MACROD2: variants seen among roughly 807,000 people sequenced by gnomAD.
MACROD2 encodes mono-ADP ribosylhydrolase 2.
In MACROD2, 36 loss-of-function variants were observed where a neutral mutation model predicts 70.4. The ratio of observed to expected loss-of-function variants is 0.51; its 90% CI spans 0.39 to 0.68. MACROD2 has a LOEUF of 0.68. Among genes scored for constraint, MACROD2 ranks in the 30% least tolerant of loss-of-function variants. The pLI, the probability that MACROD2 is intolerant of heterozygous loss-of-function variation, is 0.00. For synonymous variants in MACROD2, 172 were observed against 178.8 expected, an observed-to-expected ratio of 0.96 and a Z score of 0.30; for missense variants, 496 against 538.4, an observed-to-expected ratio of 0.92 and a Z score of 0.78.
At chr20:14,513,933 A>G (rs2085058125) in intron 4 of MACROD2, among the ~76,000 whole-genome samples, 1 of 152,090 alleles carries the variant, frequency 6.6e-6, no homozygotes, top group Admixed American at 6.6e-5. Flanking sequence ...GAATAAAAAA[A>G]CACTCCCCAA....
At chr20:15,481,309 C>T (rs1300640858) in intron 7 of MACROD2, among the ~76,000 whole-genome samples, 3 of 152,166 alleles carry the variant, frequency 2.0e-5, no homozygotes, top group Admixed American at 6.5e-5. Flanking sequence ...ATCTGAATGC[C>T]TTGGTTCAGT....
rs1265763958 is a variant in MACROD2 at position 14,272,831 on chromosome 20, A to G, written c.271+187103A>G. Among the ~76,000 whole-genome samples, 5 of 152,212 alleles carry G rather than the reference A, an allele frequency of 3.3e-5. No individual in the cohort carries two copies. The East Asian group carries it at 7.7e-4, about 23-fold the overall frequency. Reference sequence around the variant, plus strand: ...CAAGCAAATGTAAAACAAAAAAGGCAGGGGTTGCAATCCTAGTCTCTGATA... The same window carrying G: ...CAAGCAAATGTAAAACAAAAAAGGCGGGGGTTGCAATCCTAGTCTCTGATA... On this transcript the variant is annotated intron_variant, in intron 3 of 17. Coordinates refer to ENST00000684519, the MANE Select transcript of MACROD2 (RefSeq NM_001351661.2).
intron 8 of MACROD2, among the ~76,000 whole-genome samples, chr20:15,594,443 A>C (rs1600644423): frequency 1.3e-5 from 2 of 152,270 alleles, no homozygotes; most frequent in East Asian, 1.9e-4. Context: ...CCTGTGGAAG[A>C]ATCTCTTTGA....
intron 2 of MACROD2, among the ~76,000 whole-genome samples, chr20:14,072,330 A>G (rs1237545489): frequency 1.3e-5 from 2 of 152,052 alleles, no homozygotes; most frequent in Non-Finnish European, 2.9e-5. Context: ...GGACTTAGAC[A>G]GTTCATTCAC....
intron 3 of MACROD2, among the ~76,000 whole-genome samples, chr20:14,416,149 G>A (rs534860555): frequency 6.6e-6 from 1 of 151,898 alleles, no homozygotes; most frequent in African/African-American, 2.4e-5. Context: ...AGTAGAGATG[G>A]GGCTTCACCA....
chr20:14,435,288 A>G (rs1211800130), intron 3 of MACROD2, among the ~76,000 whole-genome samples: 1 of 152,098 alleles, frequency 6.6e-6, no homozygotes, highest in Non-Finnish European at 1.5e-5. Context: ...TAATAGGACA[A>G]TTGTCATTAG....
At position 14,326,604 on chromosome 20, in the gene MACROD2, A is replaced by T. The variant is rs753941529; in HGVS notation, c.272-166875A>T. 1 of 1,613,912 alleles carries T rather than the reference A, an allele frequency of 6.2e-7. No homozygotes were observed. The highest frequency in any genetic ancestry group is 1.1e-5 in the South Asian group (1 of 91,088). On this transcript the variant is annotated intron_variant, in intron 3 of 17. Transcript: ENST00000684519. This position sits in a 1 kb window ranked among gnomAD's most constrained non-coding sequence, Gnocchi z 5.5. ...CGCAATACCAGGGATTGTTGCGAAG[A>T]ATCAGTTGTGTTATATTGTCCAAAT...
intron 5 of MACROD2, among the ~76,000 whole-genome samples, chr20:14,869,582 T>C (rs1194137226): frequency 6.6e-6 from 1 of 152,182 alleles, no homozygotes; most frequent in Non-Finnish European, 1.5e-5. Context: ...CCTCTTTCTT[T>C]ATCTTGCATA....
At chr20:14,247,287 C>A (rs2081975302) in intron 3 of MACROD2, among the ~76,000 whole-genome samples, 1 of 152,198 alleles carries the variant, frequency 6.6e-6, no homozygotes, top group Admixed American at 6.6e-5. Context: ...GAGGCTCCTT[C>A]CACTAATAGA....
chr20:15,667,300 C>T (rs555662951), intron 8 of MACROD2, among the ~76,000 whole-genome samples: 12 of 152,262 alleles, frequency 7.9e-5, no homozygotes, highest in South Asian at 2.1e-4. Flanking sequence ...CTTCACCTTC[C>T]GCTGTGAGTA....
At chr20:14,522,472 C>T (rs992870924) in intron 4 of MACROD2, among the ~76,000 whole-genome samples, 1 of 152,186 alleles carries the variant, frequency 6.6e-6, no homozygotes, top group Non-Finnish European at 1.5e-5. Flanking sequence ...AGGCCTGTAG[C>T]CATGTATACA....
At chr20:15,099,476 T>A (rs1205169116) in intron 5 of MACROD2, among the ~76,000 whole-genome samples, 1 of 152,178 alleles carries the variant, frequency 6.6e-6, no homozygotes, top group Non-Finnish European at 1.5e-5. Context: ...AAGACAGTCC[T>A]TGCCAAGAAC....
chr20:14,666,626 A>G (rs1418575421), intron 4 of MACROD2, among the ~76,000 whole-genome samples: 5 of 152,096 alleles, frequency 3.3e-5, no homozygotes, highest in Admixed American at 3.3e-4. Context: ...GACACAGCTA[A>G]GTCCAAACAC....
At chr20:14,005,996 A>G (rs2052813612) in intron 2 of MACROD2, among the ~76,000 whole-genome samples, 1 of 152,220 alleles carries the variant, frequency 6.6e-6, no homozygotes, top group South Asian at 2.1e-4. Context: ...GACATCCTGC[A>G]TATATGATGG....
At chr20:15,207,028 G>A (rs1056655815) in intron 5 of MACROD2, among the ~76,000 whole-genome samples, 2 of 152,050 alleles carry the variant, frequency 1.3e-5, no homozygotes, top group African/African-American at 2.4e-5. Flanking sequence ...GAGCCACCGC[G>A]CCCGGCCCAT....
chr20:15,013,939 C>A (rs1433121103), intron 5 of MACROD2, among the ~76,000 whole-genome samples: 1 of 152,198 alleles, frequency 6.6e-6, no homozygotes, highest in Non-Finnish European at 1.5e-5. Context: ...TCACATTTCT[C>A]CTGCCTGTAG....
At chr20:15,704,574 G>A (rs1222874416) in intron 8 of MACROD2, among the ~76,000 whole-genome samples, 1 of 152,180 alleles carries the variant, frequency 6.6e-6, no homozygotes, top group Admixed American at 6.5e-5. Flanking sequence ...ATCATGTAGG[G>A]ACCTAGTTAA....
chr20:14,149,233 C>G (rs926029186), intron 3 of MACROD2, among the ~76,000 whole-genome samples: 9 of 150,704 alleles, frequency 6.0e-5, no homozygotes, highest in Non-Finnish European at 8.9e-5. Flanking sequence ...CTCCCACTTA[C>G]AAGTGAGAAC....
chr20:14,421,873 T>A (rs1292020317), intron 3 of MACROD2, among the ~76,000 whole-genome samples: 1 of 152,158 alleles, frequency 6.6e-6, no homozygotes, highest in Non-Finnish European at 1.5e-5. Flanking sequence ...AGTAATTTAT[T>A]GTTGGATAGA....
Sources: allele counts gnomAD v4.1 joint callset (sites outside exome capture counted in the v4.1 genomes callset), GRCh38; gene constraint gnomAD v4.1.1; non-coding constraint Gnocchi (gnomAD v3.1); transcripts MANE v1.5; gene names NCBI Gene and HGNC (gene_info 2026-07-23, HGNC 2026-07-21).